CFAP36: variants seen among roughly 807,000 people sequenced by gnomAD.
The protein encoded by CFAP36 is cilia and flagella associated protein 36.
In CFAP36, 37 loss-of-function variants were observed where a neutral mutation model predicts 50.5. The observed-to-expected ratio is 0.73, with a 90% CI of 0.56 to 0.96. The LOEUF is 0.96. CFAP36 is among the 50% of genes least tolerant of loss of function. The pLI is 0.00. For missense variants in CFAP36, 407 were observed against 396.2 expected (o/e 1.03, Z -0.23); for synonymous variants, 138 against 128.2 (o/e 1.08, Z -0.52).
At chr2:55,544,432 T>C in intron 9 of CFAP36, 63 bp downstream of exon 9, 1 of 1,521,464 alleles carries the variant, frequency 6.6e-7, no homozygotes, top group Non-Finnish European at 8.9e-7. Context: ...AAAATCAGAA[T>C]ATGTGCAAGA....
intron 7 of CFAP36, among the ~76,000 whole-genome samples, chr2:55,540,458 A>C (rs572452583): frequency 5.9e-5 from 9 of 152,008 alleles, no homozygotes; most frequent in Non-Finnish European, 1.0e-4. Flanking sequence ...CTGTTGATCT[A>C]TTTCTCCATT....
rs529507943 is a variant in CFAP36 at position 55,544,502 on chromosome 2, G to A, written c.927+133G>A. 1.0e-5 allele frequency: 8 copies of A among 780,118 alleles called. No individual in the cohort carries two copies. In the South Asian group the frequency reaches 1.7e-4, roughly 17 times the overall value. The allele number at this position is 780,118 out of a possible 1,614,324, so 48.3% of individuals were successfully genotyped here. A position where few individuals can be genotyped will look rare whatever the true frequency, so the allele number is the denominator to read the frequency against. On this transcript the variant is annotated intron_variant, in intron 9 of 9. Coordinates refer to ENST00000349456, the MANE Select transcript of CFAP36 (RefSeq NM_080667.7). Reference sequence around the variant, plus strand: ...ATATTAATCACCTCCTAGTGCAGTAGCTGCTAAGTCTTTTCTAGGAAGTGA... The same window carrying A: ...ATATTAATCACCTCCTAGTGCAGTAACTGCTAAGTCTTTTCTAGGAAGTGA...
At chr2:55,544,152 C>A in intron 8 of CFAP36, 68 bp from the exon 9 acceptor site, 1 of 1,608,846 alleles carries the variant, frequency 6.2e-7, no homozygotes, top group Non-Finnish European at 8.5e-7. Flanking sequence ...TTGAATCACT[C>A]AGTGGGCATC....
Position 55,540,882 on chromosome 2 carries a change from G to A in CFAP36, c.641-3056G>A, listed in dbSNP as rs1684620691. On this transcript the variant is annotated intron_variant, in intron 7 of 9. Transcript: ENST00000349456. ...ACAAAAATTAGCCAGGCATGGTGGTGCACGCCTGTAGTCCCAGCCTCTAGG... is the reference window on the plus strand; with the variant it reads ...ACAAAAATTAGCCAGGCATGGTGGTACACGCCTGTAGTCCCAGCCTCTAGG... Among the ~76,000 whole-genome samples, 6 of 152,158 alleles carry A rather than the reference G, an allele frequency of 3.9e-5. No homozygotes were observed. The South Asian group carries it at 1.2e-3, about 32-fold the overall frequency.
rs1487042617 is a variant in CFAP36, at chr2:55,544,293, T to C, written c.851T>C (p.Met284Thr). The stretch of plus-strand genomic sequence containing the variant: ...CTCAAGCAGAAGAGAGATAAGTTGA[T>C]GTCCATGAGAAAGGATATGAGGACT... Reference protein sequence around the residue: ...HYLKQKRDKLMSMRKDMRTKQ... With the variant: ...HYLKQKRDKLTSMRKDMRTKQ... The change falls in exon 9 of 10, where the codon ATG becomes ACG. Residue 284 changes from methionine (M) to threonine (T), a missense_variant. Physicochemically the swap from Met to Thr is moderately conservative, Grantham distance 81. Transcript: ENST00000349456. 2.5e-6 allele frequency: 4 copies of C among 1,613,976 alleles called. No individual in the cohort carries two copies. The highest frequency in any genetic ancestry group is 3.4e-6 in the Non-Finnish European group (4 of 1,179,950).
intron 3 of CFAP36, among the ~76,000 whole-genome samples, chr2:55,524,104 C>A (rs1329809997): frequency 1.3e-5 from 2 of 152,200 alleles, no homozygotes; most frequent in Admixed American, 1.3e-4. Flanking sequence ...ACATAGATCT[C>A]CAATAATTCT....
chr2:55,524,798 A>C (rs1318907229), intron 3 of CFAP36, among the ~76,000 whole-genome samples: 2 of 151,946 alleles, frequency 1.3e-5, no homozygotes, highest in Non-Finnish European at 2.9e-5. Flanking sequence ...CCTGACCAAC[A>C]TGGAGAAACC....
intron 3 of CFAP36, among the ~76,000 whole-genome samples, chr2:55,524,216 G>A (rs140580141): frequency 5.3e-5 from 8 of 152,200 alleles, no homozygotes; most frequent in African/African-American, 1.9e-4. Flanking sequence ...GTTGTGTAGT[G>A]CTAGGCTGAA....
chr2:55,521,534 G>C (rs996434074), intron 1 of CFAP36, among the ~76,000 whole-genome samples: 2 of 150,986 alleles, frequency 1.3e-5, no homozygotes, highest in African/African-American at 2.4e-5. Flanking sequence ...ATATGAGGTA[G>C]TATTCATTTT....
chr2:55,538,223 A>G (rs1004805871), intron 7 of CFAP36, among the ~76,000 whole-genome samples: 5 of 152,176 alleles, frequency 3.3e-5, no homozygotes, highest in Non-Finnish European at 5.9e-5. Flanking sequence ...ATGGTTTTAA[A>G]TAAATGTCCT....
At chr2:55,542,619 C>T (rs1000906428) in intron 7 of CFAP36, among the ~76,000 whole-genome samples, 2 of 152,142 alleles carry the variant, frequency 1.3e-5, no homozygotes, top group African/African-American at 4.8e-5. Flanking sequence ...CTTTCTAGGC[C>T]TGAGAATATA....
intron 4 of CFAP36, among the ~76,000 whole-genome samples, chr2:55,532,443 C>G (rs555760623): frequency 5.3e-5 from 8 of 152,140 alleles, no homozygotes; most frequent in African/African-American, 1.9e-4. Context: ...GTACTTCATA[C>G]TGTTGTGTTA....
intron 7 of CFAP36, among the ~76,000 whole-genome samples, chr2:55,541,855 TATG>T (rs1455296014): frequency 5.3e-5 from 8 of 152,230 alleles, no homozygotes; most frequent in African/African-American, 1.9e-4. Flanking sequence ...TCGTACTCTT[TATG>T]AAGTTGAGGA....
chr2:55,536,282 G>A (rs1184019754), intron 6 of CFAP36, among the ~76,000 whole-genome samples: 10 of 150,324 alleles, frequency 6.7e-5, no homozygotes, highest in African/African-American at 2.0e-4. Flanking sequence ...ACAAGCGTGC[G>A]CCATCACGCC....
At chr2:55,542,167 G>A (rs1449027225) in intron 7 of CFAP36, among the ~76,000 whole-genome samples, 2 of 152,098 alleles carry the variant, frequency 1.3e-5, no homozygotes, top group African/African-American at 4.8e-5. Context: ...TTTAAATCTT[G>A]TGTCTAACAT....
chr2:55,521,083 A>G (rs188239392), intron 1 of CFAP36, among the ~76,000 whole-genome samples: 4 of 152,308 alleles, frequency 2.6e-5, no homozygotes, highest in Non-Finnish European at 5.9e-5. Context: ...TGACCACTGA[A>G]TCTTTTCATT....
chr2:55,544,230 T>C lies in CFAP36; in HGVS notation c.788T>C (p.Val263Ala), dbSNP rs372024307. Reference protein sequence around the residue: ...SIEGPIANLSVLGTEELRQRE... With the variant: ...SIEGPIANLSALGTEELRQRE... ...TCTTACTTGACCCAGAACTTATCAG[T>C]ACTTGGAACAGAAGAACTTCGGCAA... The change falls in exon 9 of 10, where the codon GTA (valine) becomes GCA (alanine). Residue 263 changes from valine to alanine, a missense_variant. Physicochemically the swap from Val to Ala is moderately conservative, Grantham distance 64. Coordinates refer to ENST00000349456, the MANE Select transcript of CFAP36 (RefSeq NM_080667.7). 6.8e-6 allele frequency: 11 copies of C among 1,612,638 alleles called. No individual in the cohort carries two copies. The highest frequency in any genetic ancestry group is 9.3e-6 in the Non-Finnish European group (11 of 1,179,734).
intron 7 of CFAP36, chr2:55,539,042 T>C (rs1000121024): frequency 2.9e-6 from 2 of 700,724 alleles, no homozygotes; most frequent in Non-Finnish European, 3.9e-6. Context: ...CCCTAGTACA[T>C]GCCTAGCCTC....
chr2:55,534,009 G>T, intron 5 of CFAP36, 49 bp downstream of exon 5: 2 of 1,131,888 alleles, frequency 1.8e-6, no homozygotes, highest in South Asian at 1.3e-5. Context: ...AATATTATAT[G>T]ATCTGTACAT....
Sources: gnomAD v4.1 joint callset for allele counts (sites outside exome capture counted in the v4.1 genomes callset) on GRCh38, gnomAD v4.1.1 for gene constraint, MANE v1.5 for transcripts, NCBI Gene and HGNC (gene_info 2026-07-23, HGNC 2026-07-21) for gene names.